Variants in CMIP observed in about 807,000 individuals in gnomAD.
The protein encoded by CMIP is C-Maf-inducing protein.
In CMIP, 13 loss-of-function variants were observed where a neutral mutation model predicts 97.3. That is an observed-to-expected ratio of 0.13 (90% CI 0.09 to 0.21). The LOEUF (loss-of-function observed/expected upper bound fraction) is 0.21, where lower values mean the gene tolerates loss of function less well. Among genes scored for constraint, CMIP ranks in the 10% least tolerant of loss-of-function variants. The pLI, the probability that CMIP is intolerant of heterozygous loss-of-function variation, is 1.00. For missense variants in CMIP, 847 were observed against 1,024.9 expected, an observed-to-expected ratio of 0.83 and a Z score of 2.37; for synonymous variants, 538 against 436.3, an observed-to-expected ratio of 1.23 and a Z score of -2.91.
intron 10 of CMIP, among the ~76,000 whole-genome samples, chr16:81,679,641 G>A (rs1032600540): frequency 1.4e-4 from 22 of 151,982 alleles, no homozygotes; most frequent in Non-Finnish European, 2.1e-4. Context: ...TAGGAGACCC[G>A]TGGACCCGGG....
chr16:81,608,479 G>T (rs139464464), intron 2 of CMIP, among the ~76,000 whole-genome samples: 2 of 152,234 alleles, frequency 1.3e-5, no homozygotes, highest in Admixed American at 1.3e-4. Flanking sequence ...ATCCTTAAGA[G>T]TGAGCGCCCT....
chr16:81,668,245 G>T (rs1338488787), intron 7 of CMIP, among the ~76,000 whole-genome samples: 1 of 152,296 alleles, frequency 6.6e-6, no homozygotes, highest in East Asian at 1.9e-4. Flanking sequence ...CGTTTATGGA[G>T]GGTCGGGGGC....
intron 10 of CMIP, among the ~76,000 whole-genome samples, chr16:81,689,585 T>G (rs1018256320): frequency 5.9e-5 from 9 of 152,202 alleles, no homozygotes; most frequent in Non-Finnish European, 8.8e-5. Flanking sequence ...TTGTAAAAAT[T>G]TTCTCCCATT....
intron 3 of CMIP, among the ~76,000 whole-genome samples, chr16:81,647,893 A>G (rs1378906830): frequency 1.4e-5 from 2 of 146,232 alleles, no homozygotes; most frequent in South Asian, 2.2e-4. Context: ...GCCCGCACCC[A>G]CAACGCCGTA....
intron 1 of CMIP, among the ~76,000 whole-genome samples, chr16:81,458,165 G>T (rs934435791): frequency 3.9e-5 from 6 of 152,176 alleles, no homozygotes; most frequent in African/African-American, 1.4e-4. Flanking sequence ...GAGGAGAGGG[G>T]ATAGGGACCC....
At chr16:81,665,840 A>G (rs1322055479) in intron 7 of CMIP, 1 of 151,738 alleles carries the variant, frequency 6.6e-6, no homozygotes, top group Non-Finnish European at 1.5e-5. Context: ...AGAGCCAGAG[A>G]CAGCATCACA....
At chr16:81,591,462 G>A (rs933508189) in intron 1 of CMIP, among the ~76,000 whole-genome samples, 11 of 152,312 alleles carry the variant, frequency 7.2e-5, no homozygotes, top group African/African-American at 2.6e-4. Flanking sequence ...TTCCATACTG[G>A]CATCTGGGGG....
chr16:81,661,394 G>A (rs780503225), intron 6 of CMIP, among the ~76,000 whole-genome samples: 3 of 152,374 alleles, frequency 2.0e-5, no homozygotes, highest in African/African-American at 4.8e-5. Flanking sequence ...GGCACCCGGC[G>A]CCAGCCTTGC....
chr16:81,493,181 C>G (rs930527423), intron 1 of CMIP, among the ~76,000 whole-genome samples: 1 of 152,138 alleles, frequency 6.6e-6, no homozygotes, highest in Non-Finnish European at 1.5e-5. Context: ...TCCCGGCACA[C>G]AGACACTTCA....
At chr16:81,491,050 C>CT (rs985494371) in intron 1 of CMIP, among the ~76,000 whole-genome samples, 4 of 152,138 alleles carry the variant, frequency 2.6e-5, no homozygotes, top group African/African-American at 9.7e-5. Flanking sequence ...AGCCTTGGCT[C>CT]TCGTTGGGCT....
At chr16:81,669,975 A>G (rs1306774367) in intron 7 of CMIP, among the ~76,000 whole-genome samples, 167 bp from the exon 8 acceptor site, 1 of 152,164 alleles carries the variant, frequency 6.6e-6, no homozygotes, top group African/African-American at 2.4e-5. Context: ...TATTCTTTGA[A>G]GTAGACGCCA....
At chr16:81,596,506 CAAA>C (rs1164896590) in intron 1 of CMIP, among the ~76,000 whole-genome samples, 10 of 88,962 alleles carry the variant, frequency 1.1e-4, no homozygotes, top group Admixed American at 2.3e-4. Context: ...GGCCCTGTCT[CAAA>C]AAAAAAAAAA....
intron 1 of CMIP, among the ~76,000 whole-genome samples, chr16:81,479,217 G>A (rs993327540): frequency 1.3e-5 from 2 of 152,154 alleles, no homozygotes; most frequent in African/African-American, 2.4e-5. Context: ...TCAGCTACTC[G>A]AAGTTGCTCG....
chr16:81,611,525 G>GT (rs982801164), intron 2 of CMIP: 3 of 152,924 alleles, frequency 2.0e-5, no homozygotes, highest in African/African-American at 7.2e-5. Context: ...ATGTGTGTCT[G>GT]TTTTCCTCTC....
intron 1 of CMIP, among the ~76,000 whole-genome samples, chr16:81,501,154 G>A (rs190169881): frequency 1.1e-3 from 165 of 152,384 alleles, no homozygotes; most frequent in African/African-American, 3.9e-3. Flanking sequence ...GGAGAACGCA[G>A]TAATTTGTGT....
rs1057160756 is a variant in CMIP at position 81,479,775 on chromosome 16, T to G, written c.300+34234T>G. On this transcript the variant is annotated intron_variant, in intron 1 of 20. Coordinates refer to ENST00000537098, the MANE Select transcript of CMIP (RefSeq NM_198390.3). ...CCCCAGAAGGAAATCCTGTACCCGT[T>G]AACAGTCACTCCTCTTTCCCCCTAC... Among the ~76,000 whole-genome samples, 10 of 152,174 alleles carry G rather than the reference T, an allele frequency of 6.6e-5. 1 individual carries two copies. The highest frequency in any genetic ancestry group is 1.3e-4 in the Non-Finnish European group (9 of 68,038).
chr16:81,581,107 C>T (rs2091289315), intron 1 of CMIP, among the ~76,000 whole-genome samples: 1 of 152,204 alleles, frequency 6.6e-6, no homozygotes, highest in African/African-American at 2.4e-5. Context: ...GTCAGCACTG[C>T]CTTCCTTTTG....
At chr16:81,691,871 C>T in intron 11 of CMIP, 31 bp downstream of exon 11, 1 of 1,589,460 alleles carries the variant, frequency 6.3e-7, no homozygotes, top group Non-Finnish European at 8.6e-7. Flanking sequence ...CGGAGCCCTC[C>T]CACCTGTGAG....
rs116244541 is a variant in CMIP, at chr16:81,607,495, C to T, written c.301-72C>T. ...GCCAGAGGGGCGATGTTTCCAAAAC[C>T]GTCTGAGATGCGGACGTCATGCCTG... On this transcript the variant is annotated intron_variant, in intron 1 of 20. Coordinates refer to ENST00000537098, the MANE Select transcript of CMIP (RefSeq NM_198390.3). 335 of 1,574,890 alleles carry T rather than the reference C, an allele frequency of 2.1e-4. 1 individual carries two copies. In the African/African-American group the frequency reaches 3.9e-3, roughly 18 times the overall value.
Sources: gnomAD v4.1 joint callset for allele counts (sites outside exome capture counted in the v4.1 genomes callset) on GRCh38, gnomAD v4.1.1 for gene constraint, MANE v1.5 for transcripts, NCBI Gene and HGNC (gene_info 2026-07-23, HGNC 2026-07-21) for gene names.